PCDH17: variants seen among roughly 807,000 people sequenced by gnomAD.
PCDH17 encodes protocadherin 17, also known as protocadherin-17.
In PCDH17, 21 loss-of-function variants were observed where a neutral mutation model predicts 67.7. The observed-to-expected ratio is 0.31, with a 90% CI of 0.22 to 0.45. The LOEUF (loss-of-function observed/expected upper bound fraction) is 0.45. Ranked by LOEUF, PCDH17 falls within the 20% of genes least tolerant of loss-of-function variation. The probability of loss-of-function intolerance (pLI) is 1.00; values close to 1 mark genes in which losing one functional copy is unlikely to be tolerated. For missense variants in PCDH17, 1,471 were observed against 1,564.8 expected (o/e 0.94, Z 1.01); for synonymous variants, 701 against 656.7 (o/e 1.07, Z -1.03).
At chr13:57,717,342 A>G (rs1221353851) in intron 3 of PCDH17, among the ~76,000 whole-genome samples, 3 of 151,980 alleles carry the variant, frequency 2.0e-5, no homozygotes, top group Non-Finnish European at 4.4e-5. Context: ...CATATCAAAT[A>G]CTGTTTTGCA....
At chr13:57,649,752 A>T (rs1955012891) in intron 1 of PCDH17, among the ~76,000 whole-genome samples, 1 of 152,138 alleles carries the variant, frequency 6.6e-6, no homozygotes, top group Non-Finnish European at 1.5e-5. Flanking sequence ...GTGCTACTGG[A>T]TGCACCATTT....
intron 1 of PCDH17, among the ~76,000 whole-genome samples, chr13:57,640,395 A>C (rs4886023): frequency 0.48 from 72,844 of 151,838 alleles, 18,388 homozygotes; most frequent in South Asian, 0.65. Context: ...ATGTGTATAA[A>C]TGTATATGTC....
rs1289291764 is a variant in PCDH17, at chr13:57,710,322, T to C, written c.2798-14290T>C. The stretch of plus-strand genomic sequence containing the variant: ...TGTGAAAATACGTTAAAGGCTTCTT[T>C]ACACAATACTTTAAAAAACCTTTAC... On this transcript the variant is annotated intron_variant, in intron 3 of 3. Transcript: ENST00000377918. Among the ~76,000 whole-genome samples the C allele has an allele frequency of 4.6e-5, 7 of 151,844 alleles. No homozygotes were observed. The Admixed American group carries it at 4.6e-4, about 10-fold the overall frequency.
At position 57,727,743 on chromosome 13, in the gene PCDH17, A is replaced by C. The variant is rs1955925589; in HGVS notation, c.*2449A>C. ...GTTATATGATGTTATTTTTGCCAGGAGACTACAGGTTGATTTAGCTTGATA... is the reference window on the plus strand; with the variant it reads ...GTTATATGATGTTATTTTTGCCAGGCGACTACAGGTTGATTTAGCTTGATA... On this transcript the variant is annotated 3_prime_UTR_variant, in exon 4 of 4. Coordinates refer to ENST00000377918, the MANE Select transcript of PCDH17 (RefSeq NM_001040429.3). 6.6e-6 allele frequency: 1 copy of C among 152,090 alleles called. No homozygotes were observed. Among genetic ancestry groups the C allele is most frequent in the South Asian group, 2.1e-4 (1 of 4,824 alleles). The allele number at this position is 152,090 out of a possible 1,614,324, so 9.4% of individuals were successfully genotyped here.
chr13:57,666,279 C>A (rs1212345789), intron 1 of PCDH17, among the ~76,000 whole-genome samples, 189 bp from the exon 2 acceptor site: 1 of 152,056 alleles, frequency 6.6e-6, no homozygotes, highest in Non-Finnish European at 1.5e-5. Flanking sequence ...AATTTGTGGA[C>A]CGGAATCATT....
At chr13:57,671,327 T>A (rs79868709) in intron 3 of PCDH17, among the ~76,000 whole-genome samples, 1 of 151,840 alleles carries the variant, frequency 6.6e-6, no homozygotes, top group East Asian at 1.9e-4. Flanking sequence ...TCCTTTTTTT[T>A]AATGATTTTA....
chr13:57,705,349 A>T (rs914743407), intron 3 of PCDH17, among the ~76,000 whole-genome samples: 1 of 152,092 alleles, frequency 6.6e-6, no homozygotes, highest in Admixed American at 6.6e-5. Context: ...TTCATTTTCT[A>T]GAAAAGTAGG....
At chr13:57,723,473 T>C (rs865874821) in intron 3 of PCDH17, among the ~76,000 whole-genome samples, 15 of 152,210 alleles carry the variant, frequency 9.9e-5, no homozygotes, top group African/African-American at 3.6e-4. Flanking sequence ...GACATCCTTT[T>C]CTTGCACAGG....
At chr13:57,723,266 C>A (rs1955886215) in intron 3 of PCDH17, among the ~76,000 whole-genome samples, 1 of 52,666 alleles carries the variant, frequency 1.9e-5, no homozygotes, top group Admixed American at 1.4e-4. Flanking sequence ...TGATTTCTTC[C>A]TAAAAATTTC....
intron 1 of PCDH17, among the ~76,000 whole-genome samples, chr13:57,653,856 T>C (rs1481710973): frequency 6.6e-6 from 1 of 152,110 alleles, no homozygotes; most frequent in Non-Finnish European, 1.5e-5. Context: ...GGTGTTCCCA[T>C]GGCGGTACTG....
chr13:57,659,462 C>T (rs977857782), intron 1 of PCDH17, among the ~76,000 whole-genome samples: 11 of 151,894 alleles, frequency 7.2e-5, no homozygotes, highest in Non-Finnish European at 1.2e-4. Context: ...TATTTCATAT[C>T]ATTACTGTGC....
chr13:57,702,657 G>C, intron 3 of PCDH17, among the ~76,000 whole-genome samples: 1 of 152,232 alleles, frequency 6.6e-6, no homozygotes, highest in East Asian at 1.9e-4. Flanking sequence ...TCAAAGGATA[G>C]TAGATATACT....
intron 1 of PCDH17, among the ~76,000 whole-genome samples, chr13:57,659,144 C>T (rs1446108863): frequency 6.7e-6 from 1 of 148,682 alleles, no homozygotes. Flanking sequence ...TACACACACA[C>T]TCACATATAT....
chr13:57,654,487 T>A (rs907369476), intron 1 of PCDH17, among the ~76,000 whole-genome samples: 1 of 152,100 alleles, frequency 6.6e-6, no homozygotes, highest in Non-Finnish European at 1.5e-5. Flanking sequence ...AAATGATTGT[T>A]ATTTTAAAAC....
rs929468306 is a variant in PCDH17, at chr13:57,727,094, T to A, written c.*1800T>A. 2.0e-5 allele frequency: 3 copies of A among 152,566 alleles called. No individual in the cohort carries two copies. Among genetic ancestry groups the A allele is most frequent in the African/African-American group, 7.2e-5 (3 of 41,438 alleles). The allele number at this position is 152,566 out of a possible 1,614,324, so 9.5% of individuals were successfully genotyped here. Reference sequence around the variant, plus strand: ...GCTAAGAAACCTCAAATTTCAGGAATTGGGAAAAATAAAATTAGCACTTGC... The same window carrying A: ...GCTAAGAAACCTCAAATTTCAGGAAATGGGAAAAATAAAATTAGCACTTGC... On this transcript the variant is annotated 3_prime_UTR_variant, in exon 4 of 4. Coordinates refer to ENST00000377918, the MANE Select transcript of PCDH17 (RefSeq NM_001040429.3).
chr13:57,679,321 A>T (rs1234200800), intron 3 of PCDH17, among the ~76,000 whole-genome samples: 1 of 150,432 alleles, frequency 6.6e-6, no homozygotes, highest in African/African-American at 2.4e-5. Context: ...CTATGAAATC[A>T]TAATAGAATT....
chr13:57,676,403 T>A (rs1222004029), intron 3 of PCDH17, among the ~76,000 whole-genome samples: 2 of 151,808 alleles, frequency 1.3e-5, no homozygotes, highest in Non-Finnish European at 2.9e-5. Context: ...AGGAACAACA[T>A]TTGGGCTTTA....
At chr13:57,689,016 A>C (rs1390964507) in intron 3 of PCDH17, among the ~76,000 whole-genome samples, 2 of 152,084 alleles carry the variant, frequency 1.3e-5, no homozygotes, top group Non-Finnish European at 2.9e-5. Context: ...TTCATGGATA[A>C]TATCAATGAC....
chr13:57,679,275 T>C (rs2138044900), intron 3 of PCDH17, among the ~76,000 whole-genome samples: 1 of 151,384 alleles, frequency 6.6e-6, no homozygotes, highest in Non-Finnish European at 1.5e-5. Context: ...TGAAAAAAAT[T>C]ATCGACTACG....
Sources: allele counts gnomAD v4.1 joint callset (sites outside exome capture counted in the v4.1 genomes callset), GRCh38; gene constraint gnomAD v4.1.1; transcripts MANE v1.5; gene names NCBI Gene and HGNC (gene_info 2026-07-23, HGNC 2026-07-21).